DYNC1H1: variants seen among roughly 807,000 people sequenced by gnomAD.
The protein encoded by DYNC1H1 is dynein cytoplasmic 1 heavy chain 1.
In DYNC1H1, 51 loss-of-function variants were observed where a neutral mutation model predicts 527.1. The ratio of observed to expected loss-of-function variants is 0.10; its 90% CI spans 0.08 to 0.12. The LOEUF (loss-of-function observed/expected upper bound fraction) is 0.12. Among genes scored for constraint, DYNC1H1 ranks in the 10% least tolerant of loss-of-function variants. The pLI is 1.00. For synonymous variants in DYNC1H1, 2,189 were observed against 2,278.8 expected (o/e 0.96, Z 1.12); for missense variants, 2,771 against 5,971.8 (o/e 0.46, Z 17.66).
chr14:102,008,940 TGTTCCCTCCATG>T (rs1031715300), intron 29 of DYNC1H1, among the ~76,000 whole-genome samples: 99 of 152,358 alleles, frequency 6.5e-4, no homozygotes, highest in African/African-American at 2.1e-3. Flanking sequence ...AGAGCTTGTG[TGTTCCCTCCATG>T]GTCTTTGCCA....
At chr14:102,000,571 AC>A in intron 18 of DYNC1H1, 172 bp downstream of exon 18, 1 of 632,112 alleles carries the variant, frequency 1.6e-6, no homozygotes, top group Non-Finnish European at 2.6e-6. Context: ...TTATTTTGAA[AC>A]CTTTTTTTTT....
At chr14:101,987,756 C>A in intron 9 of DYNC1H1, 124 bp downstream of exon 9, 1 of 1,156,494 alleles carries the variant, frequency 8.6e-7, no homozygotes, top group Admixed American at 1.9e-5. Flanking sequence ...CAATTCCCCT[C>A]CAAAATCTCA....
chr14:101,994,846 C>G lies in DYNC1H1; in HGVS notation c.3330C>G (p.Gly1110=). ...TTGGACCAGTAGTTATAGATTATGG[C>G]AAGGTGAGCCCTGCTGTCTGGTTGA... The part of the protein sequence containing the change: ...KEFGPVVIDY[G]KVQSKVNLKY... Residue 1110 remains glycine (G), a synonymous_variant, in exon 13 of 78, where the codon GGC becomes GGG. Transcript: ENST00000360184. The G allele has an allele frequency of 6.2e-7, 1 of 1,614,126 alleles. No individual in the cohort carries two copies. The highest frequency in any genetic ancestry group is 2.2e-5 in the East Asian group (1 of 44,890).
At chr14:102,023,083 T>A in intron 43 of DYNC1H1, 1 of 776,448 alleles carries the variant, frequency 1.3e-6, no homozygotes, top group Non-Finnish European at 2.1e-6. Context: ...GGCAACATAG[T>A]AAGACTCCAC....
chr14:101,974,990 G>A (rs1258593610), intron 1 of DYNC1H1, among the ~76,000 whole-genome samples: 1 of 152,218 alleles, frequency 6.6e-6, no homozygotes, highest in Non-Finnish European at 1.5e-5. Flanking sequence ...CAGAGGGCAA[G>A]GCTAGACGAA....
rs750210648 is a variant in DYNC1H1, at chr14:102,038,525, G to A, written c.10974G>A (p.Gly3658=). 9 of 1,614,212 alleles carry A rather than the reference G, an allele frequency of 5.6e-6. No individual in the cohort carries two copies. The Admixed American group carries it at 1.3e-4, about 24-fold the overall frequency. ...VLNREVRRTG[G]RVLITLGDQD... ...ACCGTGAAGTGCGGCGAACAGGGGG[G>A]AGAGTGCTGATCACTCTCGGGGACC... Residue 3658 remains glycine (G), a synonymous_variant, in exon 58 of 78, where the codon GGG becomes GGA. Coordinates refer to ENST00000360184, the MANE Select transcript of DYNC1H1 (RefSeq NM_001376.5). This position sits in a 1 kb window ranked among gnomAD's most constrained non-coding sequence, Gnocchi z 7.2.
chr14:102,029,487 T>C lies in DYNC1H1; in HGVS notation c.9469-52T>C. 6.2e-7 allele frequency: 1 copy of C among 1,613,280 alleles called. No homozygotes were observed. The highest frequency in any genetic ancestry group is 1.3e-5 in the African/African-American group (1 of 75,038). ...CCAAGGCCAAAATTGTTTTCTGAGG[T>C]TAAGTCACAGAGTTTCCTGAAGAGT... is the stretch of plus-strand genomic sequence containing the variant. On this transcript the variant is annotated intron_variant, in intron 48 of 77. Transcript: ENST00000360184. The surrounding 1 kb of genome is among the most constrained non-coding windows in gnomAD (Gnocchi z 5.3).
Position 102,005,117 on chromosome 14 carries a change from G to T in DYNC1H1, c.5314G>T (p.Gly1772Cys). 1 of 1,614,202 alleles carries T rather than the reference G, an allele frequency of 6.2e-7. No individual in the cohort carries two copies. The highest frequency in any genetic ancestry group is 1.7e-5 in the Admixed American group (1 of 60,024). The change falls in exon 26 of 78, where the codon GGT (glycine) becomes TGT (cysteine). Residue 1772 changes from glycine to cysteine, a missense_variant. Gly to Cys is a radical substitution (Grantham distance 159). This residue lies in a region of DYNC1H1 where 105 missense variants were observed against 138.1 expected (regional missense o/e 0.76). Transcript: ENST00000360184. The surrounding 1 kb of genome is among the most constrained non-coding windows in gnomAD (Gnocchi z 4.0). ...VETALSSMGG[G>C]GDAAPLHSVL... is the part of the protein sequence containing the mutation. The stretch of plus-strand genomic sequence containing the variant: ...GACCGCACTGAGCAGCATGGGCGGA[G>T]GTGGAGATGCCGCGCCCTTGCACTC...
chr14:102,021,581 C>T (rs971314056), intron 42 of DYNC1H1, among the ~76,000 whole-genome samples: 2 of 152,018 alleles, frequency 1.3e-5, no homozygotes, highest in Admixed American at 6.6e-5. Flanking sequence ...GTCACAGTCT[C>T]GCCTGCTTGC....
At chr14:101,970,324 G>A (rs2141262882) in intron 1 of DYNC1H1, among the ~76,000 whole-genome samples, 1 of 152,062 alleles carries the variant, frequency 6.6e-6, no homozygotes, top group African/African-American at 2.4e-5. Context: ...CCCTCAGGAG[G>A]ATGAAAGGGT....
At chr14:102,046,568 C>G (rs936479590) in intron 72 of DYNC1H1, among the ~76,000 whole-genome samples, 2 of 152,146 alleles carry the variant, frequency 1.3e-5, no homozygotes, top group Non-Finnish European at 2.9e-5. Context: ...CCACAAGGCT[C>G]GGGGTAATCC....
intron 29 of DYNC1H1, among the ~76,000 whole-genome samples, chr14:102,008,679 C>T (rs922200622): frequency 1.3e-5 from 2 of 152,066 alleles, no homozygotes; most frequent in South Asian, 2.1e-4. Context: ...CCCAGCTATT[C>T]GGAAGGCTGA....
chr14:102,044,286 A>G lies in DYNC1H1; in HGVS notation c.12697A>G (p.Ile4233Val), dbSNP rs1486511807. The G allele has an allele frequency of 6.2e-6, 10 of 1,613,956 alleles. No individual in the cohort carries two copies. Among genetic ancestry groups the G allele is most frequent in the Non-Finnish European group, 8.5e-6 (10 of 1,180,026 alleles). Residue 4233 changes from isoleucine to valine, a missense_variant, in exon 71 of 78, where the codon ATC becomes GTC. Ile to Val is a conservative substitution (Grantham distance 29). Coordinates refer to ENST00000360184, the MANE Select transcript of DYNC1H1 (RefSeq NM_001376.5). This position sits in a 1 kb window ranked among gnomAD's most constrained non-coding sequence, Gnocchi z 7.1. ...LDDTAKGRQN[I>V]SPDKIPWSAL... is the part of the protein sequence containing the mutation. ...TTTCCTCCCCCAGGGCAGGCAGAAC[A>G]TCTCACCGGATAAGATCCCGTGGTC...
Position 102,002,918 on chromosome 14 carries a change from G to A in DYNC1H1, c.4836G>A (p.Gln1612=), listed in dbSNP as rs774410274. The change falls in exon 23 of 78, where the codon CAG becomes CAA. Residue 1612 remains glutamine, a synonymous_variant. Coordinates refer to ENST00000360184, the MANE Select transcript of DYNC1H1 (RefSeq NM_001376.5). The surrounding 1 kb of genome is among the most constrained non-coding windows in gnomAD (Gnocchi z 4.4). The part of the protein sequence containing the change: ...ERLADLLGKI[Q]KALGEYLERE... ...TGGCAGACCTGCTAGGAAAGATCCA[G>A]AAAGCATTGGGAGAATATCTGGAAA... 1.9e-6 allele frequency: 3 copies of A among 1,614,230 alleles called. No individual in the cohort carries two copies. The Admixed American group carries it at 5.0e-5, about 27-fold the overall frequency.
chr14:102,029,471 A>G lies in DYNC1H1; in HGVS notation c.9469-68A>G. On this transcript the variant is annotated intron_variant, in intron 48 of 77. Transcript: ENST00000360184. The surrounding 1 kb of genome is among the most constrained non-coding windows in gnomAD (Gnocchi z 5.3). The stretch of plus-strand genomic sequence containing the variant: ...ATGTCACACCCATCTGCCAAGGCCA[A>G]AATTGTTTTCTGAGGTTAAGTCACA... The G allele has an allele frequency of 6.2e-7, 1 of 1,610,736 alleles. No individual in the cohort carries two copies. The highest frequency in any genetic ancestry group is 8.5e-7 in the Non-Finnish European group (1 of 1,178,430).
At position 102,042,358 on chromosome 14, in the gene DYNC1H1, G is replaced by A. The variant is rs750333035; in HGVS notation, c.12276-26G>A. 3.1e-6 allele frequency: 5 copies of A among 1,614,200 alleles called. No homozygotes were observed. Among genetic ancestry groups the A allele is most frequent in the Non-Finnish European group, 3.4e-6 (4 of 1,180,026 alleles). On this transcript the variant is annotated intron_variant, in intron 67 of 77. Transcript: ENST00000360184. The surrounding 1 kb of genome is among the most constrained non-coding windows in gnomAD (Gnocchi z 5.7). The stretch of plus-strand genomic sequence containing the variant: ...ATTCAGGCAGGCAGCCTGGCATGCT[G>A]TGTGACTCTCACTTTGTGTGTGCAG...
At chr14:102,046,024 C>T (rs574952801) in intron 72 of DYNC1H1, among the ~76,000 whole-genome samples, 24 of 152,052 alleles carry the variant, frequency 1.6e-4, no homozygotes, top group Non-Finnish European at 2.8e-4. Context: ...AAAAATTAGC[C>T]GGGTGTGGTG....
intron 51 of DYNC1H1, among the ~76,000 whole-genome samples, chr14:102,030,922 A>G (rs1185814184): frequency 6.6e-6 from 1 of 152,230 alleles, no homozygotes; most frequent in African/African-American, 2.4e-5. Context: ...GTTTGTGACC[A>G]GCCTGGGCAA....
At position 102,005,662 on chromosome 14, in the gene DYNC1H1, T is replaced by G. The variant is rs759569686; in HGVS notation, c.5434-226T>G. 2.6e-5 allele frequency among the ~76,000 whole-genome samples: 4 copies of G among 152,160 alleles called. No homozygotes were observed. Among genetic ancestry groups the G allele is most frequent in the Non-Finnish European group, 5.9e-5 (4 of 68,014 alleles). On this transcript the variant is annotated intron_variant, in intron 26 of 77. Transcript: ENST00000360184. This position sits in a 1 kb window ranked among gnomAD's most constrained non-coding sequence, Gnocchi z 4.0. ...GAATTTTAAAATATTTAAAGCCAGG[T>G]GTTTCTGTTTCTTTGTTTTTGCTGC... is the stretch of plus-strand genomic sequence containing the variant.
Sources: allele counts gnomAD v4.1 joint callset (sites outside exome capture counted in the v4.1 genomes callset), GRCh38; gene constraint gnomAD v4.1.1; regional missense constraint gnomAD v4.1.1; non-coding constraint Gnocchi (gnomAD v3.1); transcripts MANE v1.5; gene names NCBI Gene and HGNC (gene_info 2026-07-23, HGNC 2026-07-21).